Variants in PGCKA1 observed in about 807,000 individuals in gnomAD.
PGCKA1 encodes PDCD10 and GCKIII kinases associated 1.
At chr4:37,526,716 C>G in the PGCKA1 span, among the ~76,000 whole-genome samples, 2 of 152,208 alleles carry the variant, frequency 1.3e-5, no homozygotes, top group Admixed American at 1.3e-4. Flanking sequence ...GTAAACATAC[C>G]TGCCGCACTT....
chr4:37,485,757 A>G, the PGCKA1 span, among the ~76,000 whole-genome samples: 3 of 152,160 alleles, frequency 2.0e-5, no homozygotes, highest in Non-Finnish European at 4.4e-5. Context: ...TAATGGTCAA[A>G]AGATGTTTAG....
At chr4:37,565,793 G>A in the PGCKA1 span, among the ~76,000 whole-genome samples, 2 of 152,198 alleles carry the variant, frequency 1.3e-5, no homozygotes, top group African/African-American at 2.4e-5. Context: ...GGTCCTGGGT[G>A]TGTCTGTGAG....
the PGCKA1 span, among the ~76,000 whole-genome samples, chr4:37,580,249 T>C: frequency 6.6e-6 from 1 of 152,128 alleles, no homozygotes; most frequent in Non-Finnish European, 1.5e-5. Flanking sequence ...AAGTCATATA[T>C]CTCTGTTTCT....
chr4:37,524,026 G>C, the PGCKA1 span, among the ~76,000 whole-genome samples: 1 of 152,214 alleles, frequency 6.6e-6, no homozygotes, highest in African/African-American at 2.4e-5. Context: ...TCTGTCCATA[G>C]CATTTCTTTC....
chr4:37,498,972 G>A, the PGCKA1 span, among the ~76,000 whole-genome samples: 229 of 152,224 alleles, frequency 1.5e-3, no homozygotes, highest in African/African-American at 4.7e-3. Context: ...GTAATAGATG[G>A]CTCTTATTAT....
chr4:37,523,800 C>T, the PGCKA1 span, among the ~76,000 whole-genome samples: 19 of 152,080 alleles, frequency 1.2e-4, no homozygotes, highest in Admixed American at 5.9e-4. Flanking sequence ...GATCAGGGTG[C>T]GGGCCATCTT....
the PGCKA1 span, among the ~76,000 whole-genome samples, chr4:37,508,681 A>ATTTTTTTTTTTTTTTTTTT: frequency 2.2e-5 from 1 of 45,466 alleles, no homozygotes; most frequent in African/African-American, 1.1e-4. Flanking sequence ...TTTTTGCTGA[A>ATTTTTTTTTTTTTTTTTTT]TCTTTTTTTT....
the PGCKA1 span, among the ~76,000 whole-genome samples, chr4:37,551,549 G>A: frequency 6.6e-5 from 10 of 152,244 alleles, no homozygotes; most frequent in African/African-American, 2.2e-4. Flanking sequence ...ATTGGCTCTC[G>A]ACTACTTGCT....
At chr4:37,586,868 C>A in the PGCKA1 span, among the ~76,000 whole-genome samples, 2 of 152,172 alleles carry the variant, frequency 1.3e-5, no homozygotes, top group Non-Finnish European at 2.9e-5. Context: ...CGAGATTGTG[C>A]CATTGCACTC....
At chr4:37,547,221 C>T in the PGCKA1 span, among the ~76,000 whole-genome samples, 10 of 152,304 alleles carry the variant, frequency 6.6e-5, no homozygotes, top group South Asian at 8.3e-4. Context: ...TGATCACCCA[C>T]GGTGTGCCTC....
chr4:37,569,745 C>T, the PGCKA1 span, among the ~76,000 whole-genome samples: 1 of 152,070 alleles, frequency 6.6e-6, no homozygotes, highest in Non-Finnish European at 1.5e-5. Flanking sequence ...CAGAGTGAAA[C>T]AGTTCCTTCT....
the PGCKA1 span, among the ~76,000 whole-genome samples, chr4:37,555,685 G>A: frequency 1.3e-5 from 2 of 152,140 alleles, no homozygotes; most frequent in African/African-American, 4.8e-5. Context: ...TTTTAAAATG[G>A]TCTCGATCCT....
the PGCKA1 span, among the ~76,000 whole-genome samples, chr4:37,459,653 T>A: frequency 2.0e-5 from 3 of 152,076 alleles, no homozygotes; most frequent in African/African-American, 7.2e-5. Context: ...TGACTTCACC[T>A]CCAGTCTACT....
At chr4:37,488,203 G>C in the PGCKA1 span, among the ~76,000 whole-genome samples, 1 of 152,122 alleles carries the variant, frequency 6.6e-6, no homozygotes, top group Non-Finnish European at 1.5e-5. Context: ...GACAATAATA[G>C]TTAATTTTTA....
At chr4:37,473,593 T>G in the PGCKA1 span, among the ~76,000 whole-genome samples, 2 of 152,240 alleles carry the variant, frequency 1.3e-5, no homozygotes, top group Non-Finnish European at 2.9e-5. Context: ...GGATTTGTTA[T>G]TTTAATATTA....
the PGCKA1 span, among the ~76,000 whole-genome samples, chr4:37,484,407 T>C: frequency 6.6e-6 from 1 of 152,164 alleles, no homozygotes; most frequent in African/African-American, 2.4e-5. Context: ...ACCATCCCCA[T>C]GATTCAATTA....
At chr4:37,453,870 CG>C in the PGCKA1 span, 1 of 152,236 alleles carries the variant, frequency 6.6e-6, no homozygotes, top group African/African-American at 2.4e-5. Context: ...ACCCGCAGCC[CG>C]GGCCACGTGA....
chr4:37,476,182 G>A, the PGCKA1 span, among the ~76,000 whole-genome samples: 1 of 152,066 alleles, frequency 6.6e-6, no homozygotes. Flanking sequence ...TCTTGCAAGT[G>A]TAAGGACCAA....
chr4:37,523,654 A>G, the PGCKA1 span, among the ~76,000 whole-genome samples: 46,780 of 151,982 alleles, frequency 0.31, 8,523 homozygotes, highest in African/African-American at 0.49. Context: ...CAGAAATTAC[A>G]CCATCTGTAT....
Sources: allele counts gnomAD v4.1 joint callset (sites outside exome capture counted in the v4.1 genomes callset), GRCh38; gene constraint gnomAD v4.1.1; transcripts MANE v1.5; gene names NCBI Gene and HGNC (gene_info 2026-07-23, HGNC 2026-07-21).